Variants in ARB2A observed in about 807,000 individuals in gnomAD.
ARB2A encodes ARB2 cotranscriptional regulator A.
chr5:94,037,064 A>T, the ARB2A span, among the ~76,000 whole-genome samples: 1 of 152,180 alleles, frequency 6.6e-6, no homozygotes, highest in Non-Finnish European at 1.5e-5. Flanking sequence ...ACCTTAACAT[A>T]AAATATATTT....
chr5:93,741,037 T>C, the ARB2A span: 7 of 1,613,910 alleles, frequency 4.3e-6, no homozygotes. Context: ...CTTCCACATG[T>C]TGGCGACGCT....
At chr5:93,929,630 A>G in the ARB2A span, among the ~76,000 whole-genome samples, 13 of 152,324 alleles carry the variant, frequency 8.5e-5, no homozygotes, top group African/African-American at 3.1e-4. Context: ...AAAAAAAAAT[A>G]AATGTAAAGT....
At chr5:93,865,846 C>A in the ARB2A span, 1 of 985,350 alleles carries the variant, frequency 1.0e-6, no homozygotes, top group Non-Finnish European at 1.2e-6. Flanking sequence ...GATATTTATA[C>A]AATTTGTGAG....
chr5:94,097,007 G>A, the ARB2A span, among the ~76,000 whole-genome samples: 4 of 152,200 alleles, frequency 2.6e-5, no homozygotes, highest in Non-Finnish European at 4.4e-5. Context: ...GGCAGGGAGA[G>A]CTGCTTGGAG....
the ARB2A span, among the ~76,000 whole-genome samples, chr5:93,644,095 T>C: frequency 1.3e-5 from 2 of 152,218 alleles, no homozygotes; most frequent in Admixed American, 1.3e-4. Context: ...GAAGTTTGTT[T>C]TGTGGACCCT....
chr5:93,914,376 TGTCA>T, the ARB2A span, among the ~76,000 whole-genome samples: 2 of 151,932 alleles, frequency 1.3e-5, no homozygotes, highest in African/African-American at 4.8e-5. Context: ...ATGTTGAAAG[TGTCA>T]GTGAGAATTA....
the ARB2A span, among the ~76,000 whole-genome samples, chr5:93,860,157 G>T: frequency 1.3e-5 from 2 of 152,124 alleles, no homozygotes; most frequent in Admixed American, 6.6e-5. Flanking sequence ...GCCGGGTGTT[G>T]TGGCACACAC....
chr5:94,076,410 C>T, the ARB2A span, among the ~76,000 whole-genome samples: 1 of 152,070 alleles, frequency 6.6e-6, no homozygotes. Flanking sequence ...TATATCCCTT[C>T]AAGAAATACA....
At chr5:93,769,675 C>A in the ARB2A span, among the ~76,000 whole-genome samples, 1 of 152,096 alleles carries the variant, frequency 6.6e-6, no homozygotes, top group Non-Finnish European at 1.5e-5. Context: ...CTAGCACAGG[C>A]CCAGAAAGCA....
the ARB2A span, among the ~76,000 whole-genome samples, chr5:93,839,915 T>C: frequency 6.6e-6 from 1 of 152,154 alleles, no homozygotes; most frequent in Non-Finnish European, 1.5e-5. Flanking sequence ...ATCTTCTCTC[T>C]TATTTTCATT....
chr5:93,821,039 T>C, the ARB2A span, among the ~76,000 whole-genome samples: 3 of 152,188 alleles, frequency 2.0e-5, no homozygotes, highest in Non-Finnish European at 4.4e-5. Flanking sequence ...GATTATAAGA[T>C]ATTCTTCAGG....
chr5:93,718,383 G>A, the ARB2A span, among the ~76,000 whole-genome samples: 4 of 152,032 alleles, frequency 2.6e-5, no homozygotes, highest in Admixed American at 2.6e-4. Flanking sequence ...AGTTTGCAGT[G>A]AGCCGAGATT....
At chr5:94,094,254 G>C in the ARB2A span, among the ~76,000 whole-genome samples, 1 of 152,202 alleles carries the variant, frequency 6.6e-6, no homozygotes, top group Non-Finnish European at 1.5e-5. Context: ...AGCAGGGTTG[G>C]TTGGTTTCTG....
chr5:93,897,853 T>A, the ARB2A span, among the ~76,000 whole-genome samples: 1 of 151,802 alleles, frequency 6.6e-6, no homozygotes, highest in Admixed American at 6.6e-5. Context: ...ATACAAAATG[T>A]ATAAGGCATA....
At chr5:93,875,138 T>C in the ARB2A span, among the ~76,000 whole-genome samples, 1 of 152,192 alleles carries the variant, frequency 6.6e-6, no homozygotes, top group African/African-American at 2.4e-5. Context: ...ATTATCATCA[T>C]TCTACTTTTC....
At chr5:93,736,201 G>A in the ARB2A span, 2 of 152,198 alleles carry the variant, frequency 1.3e-5, no homozygotes, top group Non-Finnish European at 2.9e-5. Context: ...ATATTCTTGA[G>A]TAAATAAACT....
At chr5:93,945,801 A>G in the ARB2A span, among the ~76,000 whole-genome samples, 1 of 152,170 alleles carries the variant, frequency 6.6e-6, no homozygotes, top group Admixed American at 6.5e-5. Context: ...CCAAGTGCCA[A>G]ACAATGAAAC....
the ARB2A span, among the ~76,000 whole-genome samples, chr5:93,675,231 G>A: frequency 6.6e-6 from 1 of 152,068 alleles, no homozygotes; most frequent in Non-Finnish European, 1.5e-5. Context: ...CACTGGCTAG[G>A]TTACAGTTGT....
chr5:93,815,650 C>T, the ARB2A span, among the ~76,000 whole-genome samples: 1 of 152,150 alleles, frequency 6.6e-6, no homozygotes, highest in African/African-American at 2.4e-5. Flanking sequence ...ATGAGTGAAG[C>T]CTTAAACCTT....
Sources: allele counts gnomAD v4.1 joint callset (sites outside exome capture counted in the v4.1 genomes callset), GRCh38; gene constraint gnomAD v4.1.1; transcripts MANE v1.5; gene names NCBI Gene and HGNC (gene_info 2026-07-23, HGNC 2026-07-21).